TTC29: variants seen among roughly 807,000 people sequenced by gnomAD.
TTC29 encodes the protein tetratricopeptide repeat protein 29.
TTC29 carries 49 observed loss-of-function variants against 58.1 expected under a neutral mutation model. That is an observed-to-expected ratio of 0.84 (90% CI 0.67 to 1.07). TTC29 has a LOEUF of 1.07. Ranked by LOEUF, TTC29 falls within the 50% of genes least tolerant of loss-of-function variation. TTC29 has a pLI of 0.00. For missense variants in TTC29, 582 were observed against 555.6 expected (o/e 1.05, Z -0.48); for synonymous variants, 209 against 196.8 (o/e 1.06, Z -0.52).
At chr4:146,781,458 A>C (rs990881311) in intron 11 of TTC29, among the ~76,000 whole-genome samples, 1 of 151,916 alleles carries the variant, frequency 6.6e-6, no homozygotes, top group Admixed American at 6.6e-5. Flanking sequence ...CAACCCCAAT[A>C]TCTCCAAACA....
At chr4:146,842,667 C>A (rs1728922054) in intron 8 of TTC29, among the ~76,000 whole-genome samples, 1 of 151,944 alleles carries the variant, frequency 6.6e-6, no homozygotes, top group South Asian at 2.1e-4. Context: ...CATTTTTTAC[C>A]CGTTTCTTCC....
At chr4:146,809,445 C>G (rs570131949) in intron 10 of TTC29, among the ~76,000 whole-genome samples, 2 of 149,984 alleles carry the variant, frequency 1.3e-5, no homozygotes, top group Non-Finnish European at 3.0e-5. Context: ...TCAGAGTGAA[C>G]AGACAACCTA....
At chr4:146,918,974 T>A (rs1460741967) in intron 4 of TTC29, among the ~76,000 whole-genome samples, 1 of 151,112 alleles carries the variant, frequency 6.6e-6, no homozygotes, top group East Asian at 1.9e-4. Context: ...AATGAAAACT[T>A]CTCTAGTAGT....
chr4:146,847,416 T>C (rs1729243407), intron 8 of TTC29, among the ~76,000 whole-genome samples: 2 of 152,170 alleles, frequency 1.3e-5, no homozygotes, highest in Non-Finnish European at 2.9e-5. Context: ...TCACATTCAA[T>C]AATCTATCCA....
intron 11 of TTC29, among the ~76,000 whole-genome samples, chr4:146,783,990 C>T (rs1748816751): frequency 6.6e-6 from 1 of 151,356 alleles, no homozygotes; most frequent in Non-Finnish European, 1.5e-5. Flanking sequence ...TTTCTAAAGA[C>T]TTGTGAAATC....
At chr4:146,809,409 C>A (rs963150434) in intron 10 of TTC29, among the ~76,000 whole-genome samples, 1 of 149,976 alleles carries the variant, frequency 6.7e-6, no homozygotes, top group African/African-American at 2.4e-5. Flanking sequence ...AACTAAAGAG[C>A]TTCTGCACAG....
intron 11 of TTC29, among the ~76,000 whole-genome samples, chr4:146,794,488 A>G (rs1467563704): frequency 6.6e-6 from 1 of 152,096 alleles, no homozygotes; most frequent in Admixed American, 6.6e-5. Flanking sequence ...ATAAATCTGT[A>G]CGGTACAGTA....
Position 146,939,872 on chromosome 4 carries a change from G to T in TTC29, c.24C>A (p.Pro8=), listed in dbSNP as rs765068243. 6.2e-7 allele frequency: 1 copy of T among 1,612,952 alleles called. No individual in the cohort carries two copies. Among genetic ancestry groups the T allele is most frequent in the Non-Finnish European group, 8.5e-7 (1 of 1,179,546 alleles). ...AGGCTGTAAGCTTCGGGCGTGTCAT[G>T]GGCAGTGGGGGCAGGGTGGTCATTT... is the stretch of plus-strand genomic sequence containing the variant. MTTLPPL[P]MTRPKLTALA... The change falls in exon 3 of 13, where the codon CCC becomes CCA. Residue 8 remains proline (P), a synonymous_variant. Transcript: ENST00000325106.
At chr4:146,784,897 T>C (rs954795510) in intron 11 of TTC29, among the ~76,000 whole-genome samples, 1 of 152,172 alleles carries the variant, frequency 6.6e-6, no homozygotes, top group African/African-American at 2.4e-5. Flanking sequence ...TCTTTAAAAT[T>C]TCCCTGCATT....
chr4:146,788,267 C>G (rs1749180164), intron 11 of TTC29, among the ~76,000 whole-genome samples: 1 of 152,190 alleles, frequency 6.6e-6, no homozygotes, highest in East Asian at 1.9e-4. Context: ...CTTTGACATA[C>G]AGTCATATGT....
chr4:146,783,049 A>G (rs1465640917), intron 11 of TTC29, among the ~76,000 whole-genome samples: 1 of 151,982 alleles, frequency 6.6e-6, no homozygotes, highest in African/African-American at 2.4e-5. Flanking sequence ...AACATACCAC[A>G]TCATAATCTC....
intron 8 of TTC29, among the ~76,000 whole-genome samples, chr4:146,843,414 G>T (rs572303758): frequency 3.5e-4 from 54 of 152,188 alleles, no homozygotes; most frequent in Admixed American, 1.8e-3. Context: ...TTGATCATTT[G>T]AGTACGTACA....
At chr4:146,719,988 C>T (rs1285278710) in intron 11 of TTC29, among the ~76,000 whole-genome samples, 1 of 152,052 alleles carries the variant, frequency 6.6e-6, no homozygotes, top group Non-Finnish European at 1.5e-5. Context: ...TGTTTTCATG[C>T]CCAGTGATTG....
intron 6 of TTC29, among the ~76,000 whole-genome samples, chr4:146,902,019 A>G (rs144918149): frequency 6.7e-4 from 102 of 152,338 alleles, no homozygotes; most frequent in African/African-American, 2.3e-3. Flanking sequence ...GTTGCTAAAT[A>G]CATTTAGCTA....
In TTC29 at chr4:146,904,388, C is replaced by T. The variant is rs910069537; in HGVS notation, c.401-659G>A. Among the ~76,000 whole-genome samples the T allele has an allele frequency of 5.8e-4, 88 of 152,102 alleles. 1 individual carries two copies. The highest frequency in any genetic ancestry group is 2.0e-3 in the African/African-American group (84 of 41,514). On this transcript the variant is annotated intron_variant, in intron 5 of 12. Coordinates refer to ENST00000325106, the MANE Select transcript of TTC29 (RefSeq NM_031956.4). ...TTTGCTGGGAATGCATAAATACTGT[C>T]GTTTTTACTCAGAAAGTTCTTAATT...
intron 11 of TTC29, among the ~76,000 whole-genome samples, chr4:146,722,744 TTGGAGTGCAG>T (rs1743464494): frequency 1.3e-5 from 2 of 152,294 alleles, no homozygotes; most frequent in East Asian, 1.9e-4. Flanking sequence ...TGTTTCCAGA[TTGGAGTGCAG>T]TGGCACAATC....
rs570545309 is a variant in TTC29 at position 146,746,690 on chromosome 4, G to A, written c.1331-39139C>T. On this transcript the variant is annotated intron_variant, in intron 11 of 12. Coordinates refer to ENST00000325106, the MANE Select transcript of TTC29 (RefSeq NM_031956.4). ...CCAGATGAAAGAGAGTGTGTTTAGA[G>A]AAATGTTGTAGGGAACAGTTCCTCA... Among the ~76,000 whole-genome samples the A allele has an allele frequency of 3.3e-5, 5 of 152,268 alleles. 1 individual carries two copies. The South Asian group carries it at 1.0e-3, about 32-fold the overall frequency.
At chr4:146,722,141 C>A (rs1212090743) in intron 11 of TTC29, among the ~76,000 whole-genome samples, 1 of 152,138 alleles carries the variant, frequency 6.6e-6, no homozygotes, top group Non-Finnish European at 1.5e-5. Flanking sequence ...AGGAGAACTG[C>A]AAAATACTGC....
At chr4:146,726,431 A>T (rs528476391) in intron 11 of TTC29, among the ~76,000 whole-genome samples, 48 of 152,110 alleles carry the variant, frequency 3.2e-4, no homozygotes, top group Non-Finnish European at 6.5e-4. Context: ...CCAGCCTAAT[A>T]CAGTGAGACT....
Sources: gnomAD v4.1 joint callset for allele counts (sites outside exome capture counted in the v4.1 genomes callset) on GRCh38, gnomAD v4.1.1 for gene constraint, MANE v1.5 for transcripts, NCBI Gene and HGNC (gene_info 2026-07-23, HGNC 2026-07-21) for gene names.